UBE2L3: variants seen among roughly 807,000 people sequenced by gnomAD.
The protein encoded by UBE2L3 is ubiquitin conjugating enzyme E2 L3.
A neutral mutation model predicts 17.8 loss-of-function variants in UBE2L3; 1 was observed. The ratio of observed to expected loss-of-function variants is 0.06; its 90% confidence interval spans 0.02 to 0.27. The LOEUF (loss-of-function observed/expected upper bound fraction) is 0.27. Among genes scored for constraint, UBE2L3 ranks in the 10% least tolerant of loss-of-function variants. The pLI is 1.00. For synonymous variants in UBE2L3, 44 were observed against 68.5 expected, an observed-to-expected ratio of 0.64 and a Z score of 1.76; for missense variants, 40 against 192.6, an observed-to-expected ratio of 0.21 and a Z score of 4.69.
intron 2 of UBE2L3, among the ~76,000 whole-genome samples, chr22:21,602,008 C>T (rs993784293): frequency 1.3e-5 from 2 of 151,732 alleles, no homozygotes; most frequent in East Asian, 1.9e-4. Context: ...TGGGGCACTC[C>T]GAGCAGGGCA....
chr22:21,620,647 C>T (rs1929999496), intron 3 of UBE2L3, among the ~76,000 whole-genome samples: 1 of 152,078 alleles, frequency 6.6e-6, no homozygotes, highest in Non-Finnish European at 1.5e-5. Context: ...TACTGTGGCA[C>T]CCATCAGAGC....
intron 1 of UBE2L3, chr22:21,568,455 A>T: frequency 1.0e-6 from 1 of 983,890 alleles, no homozygotes; most frequent in Non-Finnish European, 1.2e-6. Flanking sequence ...CCACTCAGTC[A>T]TCCCGATCTC....
At position 21,621,625 on chromosome 22, in the gene UBE2L3, G is replaced by C. The variant is rs570164970; in HGVS notation, c.421G>C (p.Glu141Gln). The stretch of plus-strand genomic sequence containing the variant: ...CCGTAAAAAATTCTGTAAGAATGCT[G>C]AAGAGTTTACAAAGAAATATGGGGA... Reference protein sequence around the residue: ...KDRKKFCKNAEEFTKKYGEKR... With the variant: ...KDRKKFCKNAQEFTKKYGEKR... Residue 141 changes from glutamate to glutamine, a missense_variant, in exon 4 of 4, where the codon GAA becomes CAA. By Grantham distance (29) the Glu-to-Gln change is conservative. Transcript: ENST00000342192. 1 of 1,607,766 alleles carries C rather than the reference G, an allele frequency of 6.2e-7. No individual in the cohort carries two copies. The highest frequency in any genetic ancestry group is 1.3e-5 in the African/African-American group (1 of 74,696).
intron 3 of UBE2L3, among the ~76,000 whole-genome samples, chr22:21,615,289 C>T (rs992184187): frequency 6.6e-5 from 10 of 152,266 alleles, no homozygotes; most frequent in East Asian, 3.9e-4. Context: ...GGCGCGGTGG[C>T]TCACGCCTGT....
At chr22:21,620,179 C>A (rs1004922817) in intron 3 of UBE2L3, among the ~76,000 whole-genome samples, 10 of 151,992 alleles carry the variant, frequency 6.6e-5, no homozygotes, top group Admixed American at 1.3e-4. Flanking sequence ...CCCAACTACT[C>A]TCAAGGCCAA....
intron 1 of UBE2L3, among the ~76,000 whole-genome samples, chr22:21,585,246 C>T (rs1007347891): frequency 2.6e-5 from 4 of 152,186 alleles, no homozygotes; most frequent in African/African-American, 4.8e-5. Context: ...ATGGCACAAA[C>T]GATTGGTCAG....
At chr22:21,613,658 C>T (rs1357610583) in intron 3 of UBE2L3, among the ~76,000 whole-genome samples, 1 of 152,104 alleles carries the variant, frequency 6.6e-6, no homozygotes, top group Non-Finnish European at 1.5e-5. Flanking sequence ...TAAAGTAATA[C>T]CAGTTTATTA....
intron 1 of UBE2L3, among the ~76,000 whole-genome samples, chr22:21,583,812 C>T (rs1294034267): frequency 2.6e-5 from 4 of 152,142 alleles, no homozygotes; most frequent in African/African-American, 7.2e-5. Context: ...ACTTACTGGC[C>T]CCAATTCTTT....
At chr22:21,558,627 C>T (rs184366503) in intron 1 of UBE2L3, among the ~76,000 whole-genome samples, 131 of 126,142 alleles carry the variant, frequency 1.0e-3, no homozygotes, top group Middle Eastern at 4.5e-3. Context: ...GAGACTCTGT[C>T]TCAAAAAAAA....
chr22:21,616,458 G>A (rs144405815), intron 3 of UBE2L3, among the ~76,000 whole-genome samples: 1,974 of 152,148 alleles, frequency 0.013, 45 homozygotes, highest in African/African-American at 0.045. Flanking sequence ...AGACCATCCT[G>A]GCCAACGTGG....
At chr22:21,591,491 C>G (rs991294473) in intron 1 of UBE2L3, among the ~76,000 whole-genome samples, 10 of 152,220 alleles carry the variant, frequency 6.6e-5, no homozygotes, top group African/African-American at 2.4e-4. Flanking sequence ...ATTCACTGCA[C>G]TCTCCCTCTC....
At chr22:21,562,664 C>T (rs535608559) in intron 1 of UBE2L3, among the ~76,000 whole-genome samples, 1 of 147,084 alleles carries the variant, frequency 6.8e-6, no homozygotes, top group Non-Finnish European at 1.5e-5. Flanking sequence ...AGCCACCACG[C>T]CTGGGCTTTT....
chr22:21,597,046 T>G (rs1928567334), intron 2 of UBE2L3, among the ~76,000 whole-genome samples: 1 of 151,926 alleles, frequency 6.6e-6, no homozygotes, highest in Non-Finnish European at 1.5e-5. Context: ...AAGCACAGTC[T>G]CGTCTCACTG....
chr22:21,571,794 T>G (rs1926982074), intron 1 of UBE2L3, among the ~76,000 whole-genome samples: 1 of 152,196 alleles, frequency 6.6e-6, no homozygotes, highest in Non-Finnish European at 1.5e-5. Context: ...AAAAGTTCAT[T>G]CCTTGGGTTT....
intron 3 of UBE2L3, among the ~76,000 whole-genome samples, chr22:21,615,698 T>C (rs752166052): frequency 6.6e-6 from 1 of 152,238 alleles, no homozygotes; most frequent in African/African-American, 2.4e-5. Flanking sequence ...AAGTTTTTTG[T>C]AGCCCCAAAA....
At chr22:21,592,161 C>T (rs943052934) in intron 1 of UBE2L3, among the ~76,000 whole-genome samples, 2 of 152,114 alleles carry the variant, frequency 1.3e-5, no homozygotes, top group African/African-American at 4.8e-5. Context: ...CACATATTTG[C>T]AAGGGGTCCT....
At chr22:21,575,652 T>C (rs1237081186) in intron 1 of UBE2L3, among the ~76,000 whole-genome samples, 1 of 84,856 alleles carries the variant, frequency 1.2e-5, no homozygotes, top group Non-Finnish European at 2.6e-5. Flanking sequence ...TTTTTTTTTT[T>C]TTTTTTTGGA....
At chr22:21,565,047 C>T (rs571779702), upstream of UBE2L3, among the ~76,000 whole-genome samples, 23 of 152,116 alleles carry the variant, frequency 1.5e-4, no homozygotes, top group South Asian at 4.6e-3. Context: ...CAAGCCTGGG[C>T]TCCCAAGATG....
chr22:21,612,864 TG>T (rs1488623687), intron 3 of UBE2L3, among the ~76,000 whole-genome samples: 7 of 151,446 alleles, frequency 4.6e-5, no homozygotes, highest in African/African-American at 1.7e-4. Context: ...CTCGAACTCC[TG>T]ACATTAGGTG....
Sources: allele counts gnomAD v4.1 joint callset (sites outside exome capture counted in the v4.1 genomes callset), GRCh38; gene constraint gnomAD v4.1.1; transcripts MANE v1.5; gene names NCBI Gene and HGNC (gene_info 2026-07-23, HGNC 2026-07-21).